The following ZMYND8 variants were observed in gnomAD, a reference collection of about 807,000 sequenced individuals.
ZMYND8 encodes the protein MYND-type zinc finger-containing chromatin reader ZMYND8.
Under a neutral mutation model 140.8 loss-of-function variants are expected in ZMYND8, and 37 were observed. That is an observed-to-expected ratio of 0.26 (90% CI 0.20 to 0.35). The LOEUF (loss-of-function observed/expected upper bound fraction) is 0.35. ZMYND8 is among the 10% of genes least tolerant of loss of function. The pLI is 1.00. For synonymous variants in ZMYND8, 592 were observed against 597.1 expected, an observed-to-expected ratio of 0.99 and a Z score of 0.12; for missense variants, 1,068 against 1,570.0, an observed-to-expected ratio of 0.68 and a Z score of 5.40.
intron 12 of ZMYND8, among the ~76,000 whole-genome samples, chr20:47,258,354 C>G (rs1456274647): frequency 6.6e-6 from 1 of 152,214 alleles, no homozygotes; most frequent in Non-Finnish European, 1.5e-5. Context: ...GTTTACACTT[C>G]TGTGAAACAT....
At chr20:47,225,598 G>GGAGGAGAATGA (rs2037597983) in intron 18 of ZMYND8, among the ~76,000 whole-genome samples, 10 of 43,420 alleles carry the variant, frequency 2.3e-4, no homozygotes, top group African/African-American at 6.4e-4. Context: ...GAAGGGGAAG[G>GGAGGAGAATGA]AGGGGATGGG....
intron 22 of ZMYND8, among the ~76,000 whole-genome samples, chr20:47,211,730 G>C (rs2035288850): frequency 6.6e-6 from 1 of 152,124 alleles, no homozygotes; most frequent in East Asian, 1.9e-4. Flanking sequence ...AGACAGACTG[G>C]GACAGAATTA....
chr20:47,321,205 G>T (rs2148352854), intron 2 of ZMYND8, among the ~76,000 whole-genome samples: 1 of 152,278 alleles, frequency 6.6e-6, no homozygotes, highest in Middle Eastern at 3.4e-3. Context: ...GCCCAGCCAG[G>T]GATCACGTCT....
chr20:47,210,654 AT>A lies in ZMYND8; in HGVS notation c.*106del. On this transcript the variant is annotated 3_prime_UTR_variant, in exon 23 of 23. Coordinates refer to ENST00000471951, the MANE Select transcript of ZMYND8 (RefSeq NM_001281775.3). ...CTCAGGCTCAACTGAGGGTTTTGTCATTTTCAAGTCTGAAAGTGGCTGTTCT... is the reference window on the plus strand; with the variant it reads ...CTCAGGCTCAACTGAGGGTTTTGTCATTTCAAGTCTGAAAGTGGCTGTTCT... 1 of 1,596,780 alleles carries A rather than the reference AT, an allele frequency of 6.3e-7. No individual in the cohort carries two copies. Among genetic ancestry groups the A allele is most frequent in the Non-Finnish European group, 8.6e-7 (1 of 1,166,778 alleles).
chr20:47,343,605 G>A (rs558166008), intron 2 of ZMYND8, among the ~76,000 whole-genome samples: 2 of 152,010 alleles, frequency 1.3e-5, no homozygotes, highest in East Asian at 3.9e-4. Flanking sequence ...TCCGCCTCTC[G>A]GGTTCAAGTG....
intron 3 of ZMYND8, among the ~76,000 whole-genome samples, chr20:47,304,371 T>C (rs1312391831): frequency 6.6e-6 from 1 of 152,258 alleles, no homozygotes; most frequent in Non-Finnish European, 1.5e-5. Context: ...CCATAAGGCC[T>C]CTATCGCAAA....
rs1167962430 is a variant in ZMYND8 at position 47,299,043 on chromosome 20, A to C, written c.235-96T>G. The C allele has an allele frequency of 1.1e-5, 13 of 1,181,350 alleles. No homozygotes were observed. The South Asian group carries it at 1.6e-4, about 15-fold the overall frequency. The allele number at this position is 1,181,350 out of a possible 1,614,324, so 73.2% of individuals were successfully genotyped here. ...TACATCAATAACAACAAAAGAAAAT[A>C]ACAGCATTTCACAAATTCATTAAAA... On this transcript the variant is annotated intron_variant, in intron 3 of 22. Coordinates refer to ENST00000471951, the MANE Select transcript of ZMYND8 (RefSeq NM_001281775.3).
At chr20:47,342,466 G>T (rs916842200) in intron 2 of ZMYND8, among the ~76,000 whole-genome samples, 3 of 150,736 alleles carry the variant, frequency 2.0e-5, no homozygotes, top group African/African-American at 4.9e-5. Flanking sequence ...GGAATTGCTT[G>T]AACCAGGGAA....
chr20:47,279,755 C>T (rs902174469), intron 10 of ZMYND8, among the ~76,000 whole-genome samples: 3 of 137,684 alleles, frequency 2.2e-5, no homozygotes, highest in African/African-American at 8.0e-5. Flanking sequence ...GGTTGGTGTC[C>T]GCTTTTTTTT....
In ZMYND8 at chr20:47,238,745, G is replaced by C. The variant is rs757777146; in HGVS notation, c.2665+13C>G. 6.2e-7 allele frequency: 1 copy of C among 1,604,458 alleles called. No individual in the cohort carries two copies. The highest frequency in any genetic ancestry group is 8.5e-7 in the Non-Finnish European group (1 of 1,175,946). On this transcript the variant is annotated intron_variant, in intron 15 of 22. Coordinates refer to ENST00000471951, the MANE Select transcript of ZMYND8 (RefSeq NM_001281775.3). ...AGCGGGCGCCACGGAGAACAGAAGG[G>C]GAGGCTCGGTACCTTTCACAGCCTG...
At chr20:47,221,293 A>G in intron 20 of ZMYND8, 21 bp downstream of exon 20, 1 of 1,613,152 alleles carries the variant, frequency 6.2e-7, no homozygotes, top group Non-Finnish European at 8.5e-7. Flanking sequence ...TCACTAGCCA[A>G]AGGCATGGGG....
At chr20:47,348,672 A>C (rs1436082665) in intron 1 of ZMYND8, 1 of 152,224 alleles carries the variant, frequency 6.6e-6, no homozygotes, top group Non-Finnish European at 1.5e-5. Flanking sequence ...TGGGGAGAGA[A>C]GCAAATAAAG....
intron 7 of ZMYND8, 67 bp downstream of exon 7, chr20:47,290,120 G>A: frequency 6.9e-7 from 1 of 1,448,374 alleles, no homozygotes. Flanking sequence ...GATTTTTCAT[G>A]AAGGACAGGA....
At chr20:47,248,295 A>G (rs1390513177) in intron 13 of ZMYND8, among the ~76,000 whole-genome samples, 1 of 152,252 alleles carries the variant, frequency 6.6e-6, no homozygotes, top group East Asian at 1.9e-4. Context: ...AAACAAATCA[A>G]GAGTTGGGCC....
intron 3 of ZMYND8, among the ~76,000 whole-genome samples, chr20:47,303,916 T>C (rs1182812453): frequency 6.6e-6 from 1 of 152,194 alleles, no homozygotes; most frequent in Non-Finnish European, 1.5e-5. Context: ...CAGAAGATTT[T>C]CTCCTTTCCT....
intron 2 of ZMYND8, among the ~76,000 whole-genome samples, chr20:47,321,534 GC>G (rs1233658777): frequency 6.6e-6 from 1 of 152,226 alleles, no homozygotes; most frequent in Non-Finnish European, 1.5e-5. Context: ...ACTTCAGTGA[GC>G]TACCAGGCAG....
chr20:47,217,394 G>A (rs1347582480), intron 21 of ZMYND8, among the ~76,000 whole-genome samples: 1 of 152,176 alleles, frequency 6.6e-6, no homozygotes, highest in Non-Finnish European at 1.5e-5. Flanking sequence ...CTCAGTCCTT[G>A]TTAAAAAGAG....
chr20:47,320,048 T>G (rs1225230711), intron 2 of ZMYND8: 1 of 152,206 alleles, frequency 6.6e-6, no homozygotes, highest in Admixed American at 6.6e-5. Context: ...AGCCCCTGCC[T>G]GGCTTGGGTT....
intron 2 of ZMYND8, among the ~76,000 whole-genome samples, chr20:47,347,218 A>G (rs6012163): frequency 3.7e-4 from 56 of 152,374 alleles, no homozygotes; most frequent in Middle Eastern, 3.4e-3. Flanking sequence ...GTAAAAGTGA[A>G]TAACTGCTTC....
Sources: allele counts gnomAD v4.1 joint callset (sites outside exome capture counted in the v4.1 genomes callset), GRCh38; gene constraint gnomAD v4.1.1; transcripts MANE v1.5; gene names NCBI Gene and HGNC (gene_info 2026-07-23, HGNC 2026-07-21).